Variants in SUSD6 observed in about 807,000 individuals in gnomAD.
SUSD6 encodes sushi domain containing 6.
Under a neutral mutation model 28.4 loss-of-function variants are expected in SUSD6, and 16 were observed. That is an observed-to-expected ratio of 0.56 (90% CI 0.38 to 0.86). SUSD6 has a LOEUF of 0.86. Among genes scored for constraint, SUSD6 ranks in the 40% least tolerant of loss-of-function variants. The pLI is 0.00. For missense variants in SUSD6, 341 were observed against 384.2 expected, an observed-to-expected ratio of 0.89 and a Z score of 0.94; for synonymous variants, 147 against 159.6, an observed-to-expected ratio of 0.92 and a Z score of 0.59.
At chr14:69,614,170 C>T (rs1208108993) in intron 1 of SUSD6, among the ~76,000 whole-genome samples, 10 of 152,176 alleles carry the variant, frequency 6.6e-5, no homozygotes, top group South Asian at 2.1e-4. Flanking sequence ...CAGGTTCAAA[C>T]GATTCTCTGC....
chr14:69,623,992 C>T lies in SUSD6; in HGVS notation c.-81+12164C>T, dbSNP rs1158919071. Among the ~76,000 whole-genome samples the T allele has an allele frequency of 3.3e-5, 5 of 152,088 alleles. 1 individual carries two copies. The highest frequency in any genetic ancestry group is 2.6e-4 in the Admixed American group (4 of 15,280). Reference sequence around the variant, plus strand: ...TTAAAAAATATGTAGCCTAAGTGTACAGTGTTTATAAAGTCTACAGTAATG... The same window carrying T: ...TTAAAAAATATGTAGCCTAAGTGTATAGTGTTTATAAAGTCTACAGTAATG... On this transcript the variant is annotated intron_variant, in intron 1 of 5. Coordinates refer to ENST00000342745, the MANE Select transcript of SUSD6 (RefSeq NM_014734.4).
chr14:69,666,545 A>G (rs904360841), intron 2 of SUSD6, among the ~76,000 whole-genome samples: 1 of 152,230 alleles, frequency 6.6e-6, no homozygotes, highest in Admixed American at 6.5e-5. Flanking sequence ...ATTAGAATTA[A>G]AAAATAAGAA....
intron 1 of SUSD6, among the ~76,000 whole-genome samples, chr14:69,612,934 A>C (rs1884903010): frequency 6.6e-6 from 1 of 152,196 alleles, no homozygotes; most frequent in African/African-American, 2.4e-5. Context: ...TTACGCACAC[A>C]CACCTTTTCT....
chr14:69,646,922 C>T (rs1262140312), intron 1 of SUSD6, among the ~76,000 whole-genome samples: 3 of 152,004 alleles, frequency 2.0e-5, no homozygotes, highest in Middle Eastern at 6.3e-3. Context: ...AGGATGGTCT[C>T]GAACTCCTGA....
intron 4 of SUSD6, 90 bp downstream of exon 4, chr14:69,704,832 A>G: frequency 8.5e-6 from 12 of 1,412,228 alleles, no homozygotes; most frequent in Non-Finnish European, 1.1e-5. Flanking sequence ...TGGTGGCCCC[A>G]ATCTCTGTGG....
intron 2 of SUSD6, among the ~76,000 whole-genome samples, chr14:69,692,793 C>A (rs1886171061): frequency 1.3e-5 from 2 of 152,166 alleles, no homozygotes; most frequent in South Asian, 4.1e-4. Flanking sequence ...CTAAGCCAGA[C>A]TCCTAAGTCA....
chr14:69,640,692 A>T (rs1455111859), intron 1 of SUSD6, among the ~76,000 whole-genome samples: 1 of 151,456 alleles, frequency 6.6e-6, no homozygotes, highest in African/African-American at 2.4e-5. Context: ...TTAACCAACA[A>T]ATATCTACAC....
chr14:69,704,468 T>C lies in SUSD6; in HGVS notation c.320-136T>C, dbSNP rs376164143. ...ATACATAGGTCATTCTAAGCTGTTA[T>C]TCCTGAAATGACCCTGACCGTAGGA... is the stretch of plus-strand genomic sequence containing the variant. On this transcript the variant is annotated intron_variant, in intron 3 of 5. Transcript: ENST00000342745. The C allele has an allele frequency of 4.8e-5, 37 of 774,476 alleles. 1 individual carries two copies. The African/African-American group carries it at 6.1e-4, about 13-fold the overall frequency. 48.0% of individuals were successfully genotyped at this position (774,476 alleles called of 1,614,324 possible). A position where few individuals can be genotyped will look rare whatever the true frequency, so the allele number is the denominator to read the frequency against.
At chr14:69,703,981 T>A (rs1216957048) in intron 3 of SUSD6, among the ~76,000 whole-genome samples, 1 of 152,182 alleles carries the variant, frequency 6.6e-6, no homozygotes, top group African/African-American at 2.4e-5. Context: ...ACAAAAGACC[T>A]CCCACCCTTA....
intron 2 of SUSD6, among the ~76,000 whole-genome samples, chr14:69,674,575 C>T (rs1885880178): frequency 6.6e-6 from 1 of 152,176 alleles, no homozygotes; most frequent in Non-Finnish European, 1.5e-5. Context: ...CCCCACTCTT[C>T]CTCCTTGTCT....
chr14:69,653,747 CTTT>C (rs3048700), intron 1 of SUSD6, among the ~76,000 whole-genome samples: 11 of 93,244 alleles, frequency 1.2e-4, no homozygotes, highest in African/African-American at 4.1e-4. Context: ...CCTAGTGAAA[CTTT>C]TTTTTTTTTT....
intron 4 of SUSD6, among the ~76,000 whole-genome samples, chr14:69,706,750 C>T (rs1886392895): frequency 1.3e-5 from 2 of 152,140 alleles, no homozygotes; most frequent in South Asian, 4.1e-4. Context: ...TCCCTTCCTT[C>T]CAAAAACCTC....
chr14:69,673,766 GGT>G (rs78718229), intron 2 of SUSD6, among the ~76,000 whole-genome samples: 7,088 of 152,240 alleles, frequency 0.047, 205 homozygotes, highest in East Asian at 0.15. Context: ...TGGGCTCTGT[GGT>G]ATGAAGAACG....
chr14:69,627,459 T>G (rs1885130472), intron 1 of SUSD6, among the ~76,000 whole-genome samples: 1 of 152,162 alleles, frequency 6.6e-6, no homozygotes, highest in African/African-American at 2.4e-5. Flanking sequence ...TATCAGAAAT[T>G]AAACAGATGT....
chr14:69,666,494 G>A (rs891583858), intron 2 of SUSD6, among the ~76,000 whole-genome samples: 1 of 152,214 alleles, frequency 6.6e-6, no homozygotes, highest in African/African-American at 2.4e-5. Flanking sequence ...TTGGAAGGTT[G>A]CATTTTACAT....
intron 1 of SUSD6, among the ~76,000 whole-genome samples, chr14:69,631,775 G>A (rs1410151714): frequency 6.6e-6 from 1 of 152,166 alleles, no homozygotes; most frequent in Non-Finnish European, 1.5e-5. Flanking sequence ...GCAAAAGAAT[G>A]TTTGCCATCC....
chr14:69,671,740 G>A (rs1885836080), intron 2 of SUSD6, among the ~76,000 whole-genome samples: 1 of 152,182 alleles, frequency 6.6e-6, no homozygotes, highest in Admixed American at 6.5e-5. Context: ...ATGTGTTCAG[G>A]GGTGCAGAGA....
Position 69,711,101 on chromosome 14 carries a change from A to T in SUSD6, c.*122A>T, listed in dbSNP as rs1886456225. 1 of 972,912 alleles carries T rather than the reference A, an allele frequency of 1.0e-6. No individual in the cohort carries two copies. Among genetic ancestry groups the T allele is most frequent in the Admixed American group, 1.8e-5 (1 of 55,530 alleles). The allele number at this position is 972,912 out of a possible 1,614,324, so 60.3% of individuals were successfully genotyped here. On this transcript the variant is annotated 3_prime_UTR_variant, in exon 6 of 6. Transcript: ENST00000342745. ...TGGATACCTGAGCTGCCACCTGTGT[A>T]TCTGTGTATCTCTGAGGGCCCTATA...
At chr14:69,637,644 C>A (rs1181681136) in intron 1 of SUSD6, among the ~76,000 whole-genome samples, 2 of 152,150 alleles carry the variant, frequency 1.3e-5, no homozygotes, top group African/African-American at 4.8e-5. Flanking sequence ...TCCCCACCCC[C>A]AGGACACTCT....
Sources: gnomAD v4.1 joint callset for allele counts (sites outside exome capture counted in the v4.1 genomes callset) on GRCh38, gnomAD v4.1.1 for gene constraint, MANE v1.5 for transcripts, NCBI Gene and HGNC (gene_info 2026-07-23, HGNC 2026-07-21) for gene names.